Variants in YOD1 observed in about 807,000 individuals in gnomAD.
The protein encoded by YOD1 is YOD1 deubiquitinase.
YOD1 carries 17 observed loss-of-function variants against 23.7 expected under a neutral mutation model. That is an observed-to-expected ratio of 0.72 (90% CI 0.49 to 1.07). YOD1 has a LOEUF of 1.07. YOD1 is among the 50% of genes least tolerant of loss of function. The pLI, the probability that YOD1 is intolerant of heterozygous loss-of-function variation, is 0.00. For missense variants in YOD1, 413 were observed against 447.2 expected (o/e 0.92, Z 0.69); for synonymous variants, 191 against 169.6 (o/e 1.13, Z -0.98).
rs41277170 is a variant in YOD1, at chr1:207,048,556, C to T, written c.*464G>A. ...AAATGTCCAGTGGACTCACAGGAGG[C>T]CTTCCACATTACCCAAAATGTGATG... On this transcript the variant is annotated 3_prime_UTR_variant, in exon 2 of 2. Coordinates refer to ENST00000315927, the MANE Select transcript of YOD1 (RefSeq NM_018566.4). The T allele has an allele frequency of 0.015, 2,377 of 156,892 alleles. 45 individuals carry two copies. The highest frequency in any genetic ancestry group is 0.078 in the East Asian group (410 of 5,238). 9.7% of individuals were successfully genotyped at this position (156,892 alleles called of 1,614,324 possible). A position where few individuals can be genotyped will look rare whatever the true frequency, so the allele number is the denominator to read the frequency against.
Position 207,050,990 on chromosome 1 carries a change from G to C in YOD1, c.41C>G (p.Pro14Arg), listed in dbSNP as rs753406894. Residue 14 changes from proline to arginine, a missense_variant, in exon 1 of 2, where the codon CCG becomes CGG. Transcript: ENST00000315927. ...PAKGRHFGVH[P>R]APGFPGGVSQ... Reference sequence around the variant, plus strand: ...GACGCCGCCGGGGAAACCAGGCGCCGGGTGGACTCCAAAATGGCGACCTTT... The same window carrying C: ...GACGCCGCCGGGGAAACCAGGCGCCCGGTGGACTCCAAAATGGCGACCTTT... 2 of 1,531,492 alleles carry C rather than the reference G, an allele frequency of 1.3e-6. No individual in the cohort carries two copies. Among genetic ancestry groups the C allele is most frequent in the Admixed American group, 2.1e-5 (1 of 48,508 alleles). 94.9% of individuals were successfully genotyped at this position (1,531,492 alleles called of 1,614,324 possible).
In YOD1 at chr1:207,046,717, G is replaced by A. The variant is rs1279395129; in HGVS notation, c.*2303C>T. On this transcript the variant is annotated 3_prime_UTR_variant, in exon 2 of 2. Transcript: ENST00000315927. ...GTAAACAAAGCCCTTACAATGAAGG[G>A]GTTTAATTCTGTAAAATATCAGTGT... 5.3e-5 allele frequency: 8 copies of A among 151,896 alleles called. No homozygotes were observed. Among genetic ancestry groups the A allele is most frequent in the Admixed American group, 5.2e-4 (8 of 15,262 alleles). 9.4% of individuals were successfully genotyped at this position (151,896 alleles called of 1,614,324 possible). A position where few individuals can be genotyped will look rare whatever the true frequency, so the allele number is the denominator to read the frequency against.
In YOD1 at chr1:207,048,652, C is replaced by T; in HGVS notation, c.*368G>A. ...CAATCTCAATCGTATGCCCAGTGGA[C>T]TCACAGGAGGCCTTCCACATTACCC... On this transcript the variant is annotated 3_prime_UTR_variant, in exon 2 of 2. Transcript: ENST00000315927. The T allele has an allele frequency of 5.0e-6, 1 of 201,714 alleles. No individual in the cohort carries two copies. The highest frequency in any genetic ancestry group is 1.0e-5 in the Non-Finnish European group (1 of 98,294). 12.5% of individuals were successfully genotyped at this position (201,714 alleles called of 1,614,324 possible).
chr1:207,050,587 C>T, intron 1 of YOD1, 101 bp downstream of exon 1: 1 of 1,520,740 alleles, frequency 6.6e-7, no homozygotes, highest in Non-Finnish European at 8.9e-7. Context: ...AAAGCCCCCC[C>T]GCCGACTCAC....
chr1:207,050,929 CG>C lies in YOD1; in HGVS notation c.101del (p.Ala34GlyfsTer85), dbSNP rs1558054603. On this transcript the variant is annotated frameshift_variant, in exon 1 of 2. Coordinates refer to ENST00000315927, the MANE Select transcript of YOD1 (RefSeq NM_018566.4). LOFTEE classifies it high-confidence loss of function. ...TCCGGCTGCCCACAGGCCAGGCACC[CG>C]CGGGGCCAGCTTTGGTCCCGGCAGC... is the stretch of plus-strand genomic sequence containing the variant. ...QQAAGTKAGP[A>X]GAWPVGSRTD... is the part of the protein sequence containing the mutation. 4 of 1,588,280 alleles carry C rather than the reference CG, an allele frequency of 2.5e-6. No individual in the cohort carries two copies. In the Admixed American group the frequency reaches 7.1e-5, roughly 28 times the overall value.
chr1:207,048,509 C>G lies in YOD1; in HGVS notation c.*511G>C, dbSNP rs1209361863. On this transcript the variant is annotated 3_prime_UTR_variant, in exon 2 of 2. Coordinates refer to ENST00000315927, the MANE Select transcript of YOD1 (RefSeq NM_018566.4). ...CTCATTCAGAGTTTTTAAAAAGACT[C>G]AGTTACTGGAGACACTGTGGTAAAT... The G allele has an allele frequency of 1.3e-5, 2 of 154,228 alleles. No individual in the cohort carries two copies. The highest frequency in any genetic ancestry group is 2.9e-5 in the Non-Finnish European group (2 of 69,170). The allele number at this position is 154,228 out of a possible 1,614,324, so 9.6% of individuals were successfully genotyped here. A position where few individuals can be genotyped will look rare whatever the true frequency, so the allele number is the denominator to read the frequency against.
chr1:207,052,160 T>C, upstream of YOD1: 2 of 1,610,056 alleles, frequency 1.2e-6, no homozygotes, highest in Non-Finnish European at 1.7e-6. Flanking sequence ...CTATGAAAAG[T>C]GTAGTTCACT....
chr1:207,047,674 T>TGCC lies in YOD1; in HGVS notation c.*1345_*1346insGGC, dbSNP rs1682631542. 2 of 152,614 alleles carry TGCC rather than the reference T, an allele frequency of 1.3e-5. No homozygotes were observed. Among genetic ancestry groups the TGCC allele is most frequent in the African/African-American group, 4.8e-5 (2 of 41,460 alleles). The allele number at this position is 152,614 out of a possible 1,614,324, so 9.5% of individuals were successfully genotyped here. On this transcript the variant is annotated 3_prime_UTR_variant, in exon 2 of 2. Transcript: ENST00000315927. ...TGGAAGATCTTGTAGTGAAGCTAAG[T>TGCC]TTTAGAGGGTGTGCCTTGCGGATTA... is the stretch of plus-strand genomic sequence containing the variant.
rs368837257 is a variant in YOD1 at position 207,046,970 on chromosome 1, A to C, written c.*2050T>G. Reference sequence around the variant, plus strand: ...TGTGTCCTGAAGTAGCAAAGAAAGGAAGGCAAGCTTTCTGAGTAATGATGC... The same window carrying C: ...TGTGTCCTGAAGTAGCAAAGAAAGGCAGGCAAGCTTTCTGAGTAATGATGC... On this transcript the variant is annotated 3_prime_UTR_variant, in exon 2 of 2. Coordinates refer to ENST00000315927, the MANE Select transcript of YOD1 (RefSeq NM_018566.4). 4 of 152,202 alleles carry C rather than the reference A, an allele frequency of 2.6e-5. No individual in the cohort carries two copies. Among genetic ancestry groups the C allele is most frequent in the South Asian group, 4.1e-4 (2 of 4,828 alleles). The allele number at this position is 152,202 out of a possible 1,614,324, so 9.4% of individuals were successfully genotyped here.
In YOD1 at chr1:207,049,226, G is replaced by A; in HGVS notation, c.841C>T (p.Pro281Ser). 1 of 1,614,100 alleles carries A rather than the reference G, an allele frequency of 6.2e-7. No individual in the cohort carries two copies. The highest frequency in any genetic ancestry group is 8.5e-7 in the Non-Finnish European group (1 of 1,180,014). Residue 281 changes from proline (P) to serine (S), a missense_variant, in exon 2 of 2, where the codon CCT (proline) becomes TCT (serine). By Grantham distance (74) the Pro-to-Ser change is moderately conservative (BLOSUM62 -1). Coordinates refer to ENST00000315927, the MANE Select transcript of YOD1 (RefSeq NM_018566.4). ...LQRNFPDPDT[P>S]PLTIFSSNDD... ...TTAGAGGAGAAAATGGTCAGAGGAG[G>A]TGTATCTGGATCAGGGAAGTTACGC...
chr1:207,051,845 C>G (rs1451695743), upstream of YOD1, among the ~76,000 whole-genome samples: 1 of 152,146 alleles, frequency 6.6e-6, no homozygotes, highest in African/African-American at 2.4e-5. Context: ...AGGACTGTGC[C>G]TCGCAAATAA....
At position 207,045,387 on chromosome 1, in the gene YOD1, A is replaced by C. The variant is rs1490975935; in HGVS notation, c.*3633T>G. 6.6e-6 allele frequency: 1 copy of C among 152,506 alleles called. No homozygotes were observed. The highest frequency in any genetic ancestry group is 2.4e-5 in the African/African-American group (1 of 41,440). 9.4% of individuals were successfully genotyped at this position (152,506 alleles called of 1,614,324 possible). A position where few individuals can be genotyped will look rare whatever the true frequency, so the allele number is the denominator to read the frequency against. ...AAACACCAGAATGTTGTGCCAATAG[A>C]TACACTCTACACTGATGGCAATCTT... On this transcript the variant is annotated 3_prime_UTR_variant, in exon 2 of 2. Coordinates refer to ENST00000315927, the MANE Select transcript of YOD1 (RefSeq NM_018566.4).
Position 207,045,133 on chromosome 1 carries a change from G to C in YOD1, c.*3887C>G, listed in dbSNP as rs749813839. On this transcript the variant is annotated 3_prime_UTR_variant, in exon 2 of 2. Transcript: ENST00000315927. Reference sequence around the variant, plus strand: ...AAATGATGCCACTTGTATATGACACGTTTAAGGCCTCTGACTCAAAAATCA... The same window carrying C: ...AAATGATGCCACTTGTATATGACACCTTTAAGGCCTCTGACTCAAAAATCA... 6.6e-6 allele frequency: 1 copy of C among 152,352 alleles called. No individual in the cohort carries two copies. The highest frequency in any genetic ancestry group is 1.5e-5 in the Non-Finnish European group (1 of 67,878). 9.4% of individuals were successfully genotyped at this position (152,352 alleles called of 1,614,324 possible).
rs1682553819 is a variant in YOD1, at chr1:207,044,779, C to T, written c.*4241G>A. The T allele has an allele frequency of 1.3e-5, 2 of 152,458 alleles. No homozygotes were observed. The highest frequency in any genetic ancestry group is 1.3e-4 in the Admixed American group (2 of 15,272). The allele number at this position is 152,458 out of a possible 1,614,324, so 9.4% of individuals were successfully genotyped here. A position where few individuals can be genotyped will look rare whatever the true frequency, so the allele number is the denominator to read the frequency against. ...ACTAGGAATGCATCTATTTGACAAT[C>T]TCTTCTTTATCAGTGGTACTTTGTC... On this transcript the variant is annotated 3_prime_UTR_variant, in exon 2 of 2. Transcript: ENST00000315927.
rs1244082371 is a variant in YOD1 at position 207,045,761 on chromosome 1, G to A, written c.*3259C>T. ...AACTAGAGAAGCAAGTTAGGCATGG[G>A]CATTTAGGGACACAGACAAATTAGA... On this transcript the variant is annotated 3_prime_UTR_variant, in exon 2 of 2. Coordinates refer to ENST00000315927, the MANE Select transcript of YOD1 (RefSeq NM_018566.4). 2 of 152,024 alleles carry A rather than the reference G, an allele frequency of 1.3e-5. No homozygotes were observed. Among genetic ancestry groups the A allele is most frequent in the African/African-American group, 4.8e-5 (2 of 41,406 alleles). The allele number at this position is 152,024 out of a possible 1,614,324, so 9.4% of individuals were successfully genotyped here.
At position 207,046,293 on chromosome 1, in the gene YOD1, G is replaced by T. The variant is rs932168667; in HGVS notation, c.*2727C>A. 1.3e-5 allele frequency: 2 copies of T among 152,030 alleles called. No homozygotes were observed. The highest frequency in any genetic ancestry group is 4.8e-5 in the African/African-American group (2 of 41,420). 9.4% of individuals were successfully genotyped at this position (152,030 alleles called of 1,614,324 possible). A position where few individuals can be genotyped will look rare whatever the true frequency, so the allele number is the denominator to read the frequency against. On this transcript the variant is annotated 3_prime_UTR_variant, in exon 2 of 2. Coordinates refer to ENST00000315927, the MANE Select transcript of YOD1 (RefSeq NM_018566.4). ...AAGACATTTAATCCTCCTGAAAGTT[G>T]TAAGTCCATAGATTTTCAAAATTCC...
In YOD1 at chr1:207,050,673, G is replaced by A. The variant is rs1198914478; in HGVS notation, c.343+15C>T. On this transcript the variant is annotated intron_variant, in intron 1 of 1. Transcript: ENST00000315927. ...CCTCCCGGGACTTTCCCTGGCCCCA[G>A]CCCTGATTCCTTACCAGATTGGATG... The A allele has an allele frequency of 1.2e-6, 2 of 1,612,600 alleles. No individual in the cohort carries two copies. Among genetic ancestry groups the A allele is most frequent in the Non-Finnish European group, 8.5e-7 (1 of 1,179,904 alleles).
At chr1:207,050,647 T>A in intron 1 of YOD1, 41 bp downstream of exon 1, 2 of 1,604,758 alleles carry the variant, frequency 1.2e-6, no homozygotes, top group Non-Finnish European at 1.7e-6. Flanking sequence ...CCCCTCTCCA[T>A]CCTCCCGGGA....
Position 207,046,848 on chromosome 1 carries a change from T to C in YOD1, c.*2172A>G, listed in dbSNP as rs1297777803. On this transcript the variant is annotated 3_prime_UTR_variant, in exon 2 of 2. Transcript: ENST00000315927. ...CATATCAAAACATATGACAGAAACATATCAAAACATGCCTGGCACAGTATA... is the reference window on the plus strand; with the variant it reads ...CATATCAAAACATATGACAGAAACACATCAAAACATGCCTGGCACAGTATA... The C allele has an allele frequency of 6.6e-6, 1 of 152,026 alleles. No homozygotes were observed. Among genetic ancestry groups the C allele is most frequent in the African/African-American group, 2.4e-5 (1 of 41,444 alleles). 9.4% of individuals were successfully genotyped at this position (152,026 alleles called of 1,614,324 possible).
Sources: allele counts gnomAD v4.1 joint callset (sites outside exome capture counted in the v4.1 genomes callset), GRCh38; gene constraint gnomAD v4.1.1; transcripts MANE v1.5; gene names NCBI Gene and HGNC (gene_info 2026-07-23, HGNC 2026-07-21).